GRM7: variants seen among roughly 807,000 people sequenced by gnomAD.
GRM7 encodes the protein glutamate metabotropic receptor 7, also known as metabotropic glutamate receptor 7.
In GRM7, 35 loss-of-function variants were observed where a neutral mutation model predicts 84.5. That is an observed-to-expected ratio of 0.41 (90% CI 0.32 to 0.55). The LOEUF is 0.55. GRM7 is among the 20% of genes least tolerant of loss of function. The probability of loss-of-function intolerance (pLI) is 0.19; values close to 1 mark genes in which losing one functional copy is unlikely to be tolerated. For missense variants in GRM7, 1,003 were observed against 1,194.6 expected, an observed-to-expected ratio of 0.84 and a Z score of 2.36; for synonymous variants, 487 against 455.1, an observed-to-expected ratio of 1.07 and a Z score of -0.89.
chr3:7,540,203 A>T (rs1458120186), intron 7 of GRM7, among the ~76,000 whole-genome samples: 1 of 152,196 alleles, frequency 6.6e-6, no homozygotes, highest in Non-Finnish European at 1.5e-5. Flanking sequence ...TGGGATAACC[A>T]GATGACCCAG....
chr3:6,903,890 A>G (rs879263841), intron 1 of GRM7, among the ~76,000 whole-genome samples: 4 of 152,192 alleles, frequency 2.6e-5, no homozygotes, highest in Non-Finnish European at 4.4e-5. Flanking sequence ...GAGTCTTCAT[A>G]TACAATATTG....
intron 1 of GRM7, 126 bp from the exon 2 acceptor site, chr3:7,146,326 T>G (rs1236302059): frequency 1.4e-5 from 10 of 716,590 alleles, no homozygotes; most frequent in Non-Finnish European, 2.0e-5. Flanking sequence ...TACATGGTGG[T>G]GTTTGGCAAA....
intron 1 of GRM7, among the ~76,000 whole-genome samples, chr3:6,879,753 G>A (rs757196879): frequency 1.3e-5 from 2 of 152,144 alleles, no homozygotes; most frequent in African/African-American, 2.4e-5. Context: ...ATTCAGTATC[G>A]ATTTATAATG....
At chr3:7,309,470 A>C (rs1700314763) in intron 4 of GRM7, among the ~76,000 whole-genome samples, 1 of 152,186 alleles carries the variant, frequency 6.6e-6, no homozygotes, top group African/African-American at 2.4e-5. Context: ...TTTTTCAAAT[A>C]TTCATGATAC....
At position 7,667,269 on chromosome 3, in the gene GRM7, T is replaced by TA. The variant is rs111517177; in HGVS notation, c.2452-12768dup. The stretch of plus-strand genomic sequence containing the variant: ...GGTGACAGAGTGAGACCCTGTCTGT[T>TA]AAAAAAAAAAAAGAGAGAGAGAGAG... On this transcript the variant is annotated intron_variant, in intron 8 of 9. Transcript: ENST00000357716. Among the ~76,000 whole-genome samples, 464 of 140,764 alleles carry TA rather than the reference T, an allele frequency of 3.3e-3. 2 individuals are homozygous for TA. Among genetic ancestry groups the TA allele is most frequent in the Admixed American group, 0.016 (223 of 13,868 alleles). The allele number at this position is 140,764 out of a possible 152,430, so 92.3% of individuals were successfully genotyped here. A position where few individuals can be genotyped will look rare whatever the true frequency, so the allele number is the denominator to read the frequency against.
rs548731668 is a variant in GRM7 at position 7,680,392 on chromosome 3, G to A, written c.2698+97G>A. 1.1e-4 allele frequency: 141 copies of A among 1,311,628 alleles called. No homozygotes were observed. The South Asian group carries it at 1.8e-3, about 16-fold the overall frequency. The allele number at this position is 1,311,628 out of a possible 1,614,324, so 81.2% of individuals were successfully genotyped here. ...GCCTCTCTGGAGAAATACTGTGATC[G>A]TTCTTGTCTTATGGGCTGGGTTGCC... On this transcript the variant is annotated intron_variant, in intron 9 of 9. Transcript: ENST00000357716.
intron 1 of GRM7, among the ~76,000 whole-genome samples, chr3:6,947,559 C>G (rs1286185008): frequency 6.6e-6 from 1 of 152,202 alleles, no homozygotes; most frequent in Non-Finnish European, 1.5e-5. Context: ...TAGGATGATG[C>G]TGGCCTCATA....
At chr3:7,271,519 A>G (rs1698859516) in intron 2 of GRM7, among the ~76,000 whole-genome samples, 1 of 146,668 alleles carries the variant, frequency 6.8e-6, no homozygotes, top group Admixed American at 7.1e-5. Context: ...AAATCGCGTC[A>G]TTGCACTCCA....
At chr3:7,730,513 T>G (rs916625686) in intron 9 of GRM7, among the ~76,000 whole-genome samples, 1 of 152,228 alleles carries the variant, frequency 6.6e-6, no homozygotes, top group Non-Finnish European at 1.5e-5. Context: ...TATTTTTCCT[T>G]GCTTCTGTGC....
chr3:7,409,598 GTTTTGTTTTGT>G (rs1695832266), intron 4 of GRM7, among the ~76,000 whole-genome samples: 2 of 151,110 alleles, frequency 1.3e-5, no homozygotes, highest in South Asian at 2.1e-4. Context: ...GTTTTGTTTT[GTTTTGTTTTGT>G]TTTGTTTTTG....
chr3:6,899,417 A>G (rs1481436471), intron 1 of GRM7, among the ~76,000 whole-genome samples: 1 of 152,190 alleles, frequency 6.6e-6, no homozygotes, highest in African/African-American at 2.4e-5. Context: ...TTAACTTAAT[A>G]AGCATAAATA....
At chr3:7,268,221 G>A (rs1698718283) in intron 2 of GRM7, among the ~76,000 whole-genome samples, 2 of 152,174 alleles carry the variant, frequency 1.3e-5, no homozygotes, top group Admixed American at 1.3e-4. Context: ...GGGAGACACA[G>A]CTGGGTGAGG....
intron 2 of GRM7, among the ~76,000 whole-genome samples, chr3:7,287,239 G>A (rs905039175): frequency 1.3e-5 from 2 of 152,150 alleles, no homozygotes; most frequent in Non-Finnish European, 2.9e-5. Context: ...AAGAACCTAA[G>A]TATTGAATTC....
intron 1 of GRM7, among the ~76,000 whole-genome samples, chr3:6,911,898 T>A (rs964018174): frequency 1.3e-5 from 2 of 152,180 alleles, no homozygotes; most frequent in African/African-American, 2.4e-5. Flanking sequence ...CATTAGACGT[T>A]TTCAAAATGA....
chr3:7,666,167 G>A (rs1055035769), intron 8 of GRM7, among the ~76,000 whole-genome samples: 10 of 152,274 alleles, frequency 6.6e-5, no homozygotes, highest in East Asian at 3.9e-4. Flanking sequence ...TGTGTCTGTC[G>A]TCATTCGAGT....
At chr3:7,296,715 A>G (rs1210043118) in intron 2 of GRM7, among the ~76,000 whole-genome samples, 1 of 151,796 alleles carries the variant, frequency 6.6e-6, no homozygotes, top group Non-Finnish European at 1.5e-5. Flanking sequence ...CATCAGGGTT[A>G]CCCTTCTTTC....
chr3:6,866,080 C>T (rs950134221), intron 1 of GRM7, among the ~76,000 whole-genome samples: 1 of 152,252 alleles, frequency 6.6e-6, no homozygotes, highest in Admixed American at 6.5e-5. Flanking sequence ...TGTATACATA[C>T]CCATGCAATT....
chr3:7,054,739 C>A (rs1184442206), intron 1 of GRM7, among the ~76,000 whole-genome samples: 2 of 151,808 alleles, frequency 1.3e-5, no homozygotes, highest in African/African-American at 2.4e-5. Flanking sequence ...CTCTTTCTGT[C>A]TGTCTCTCTC....
At chr3:7,515,016 G>A (rs1419787524) in intron 7 of GRM7, among the ~76,000 whole-genome samples, 2 of 151,866 alleles carry the variant, frequency 1.3e-5, no homozygotes, top group African/African-American at 4.8e-5. Context: ...GGTTCTGTGT[G>A]ACCTTAGGCA....
Sources: gnomAD v4.1 joint callset for allele counts (sites outside exome capture counted in the v4.1 genomes callset) on GRCh38, gnomAD v4.1.1 for gene constraint, MANE v1.5 for transcripts, NCBI Gene and HGNC (gene_info 2026-07-23, HGNC 2026-07-21) for gene names.